Variants in GDF1 observed in about 807,000 individuals in gnomAD.
The protein encoded by GDF1 is growth differentiation factor 1.
Under a neutral mutation model 7.4 loss-of-function variants are expected in GDF1, and 8 were observed. That is an observed-to-expected ratio of 1.09 (90% CI 0.64 to 1.96). GDF1 has a LOEUF of 1.96. Ranked by LOEUF, GDF1 falls within the 30% of genes most tolerant of loss-of-function variation. GDF1 has a pLI of 0.00. For missense variants in GDF1, 574 were observed against 551.5 expected, an observed-to-expected ratio of 1.04 and a Z score of -0.41; for synonymous variants, 311 against 276.7, an observed-to-expected ratio of 1.12 and a Z score of -1.23.
intron 6 of GDF1, among the ~76,000 whole-genome samples, chr19:18,874,431 A>G (rs553071088): frequency 1.3e-5 from 2 of 152,308 alleles, no homozygotes; most frequent in African/African-American, 4.8e-5. Flanking sequence ...GGCCTCCCAA[A>G]GTGCTGGGAT....
Position 18,869,225 on chromosome 19 carries a change from T to C in GDF1, c.491A>G (p.Glu164Gly), listed in dbSNP as rs2055913733. The change falls in exon 8 of 8, where the codon GAG (glutamate) becomes GGG (glycine). Residue 164 changes from glutamate (E) to glycine (G), a missense_variant. Glu to Gly is a moderately conservative substitution (Grantham distance 98). Coordinates refer to ENST00000247005, the MANE Select transcript of GDF1 (RefSeq NM_001492.6). ...CTGGCCCGCTTGCGCCACGCTCAGC[T>C]CCCAGCCGCCCTCCGGGGCTGCCGC... Reference protein sequence around the residue: ...AAAAAPEGGWELSVAQAGQGA... With the variant: ...AAAAAPEGGWGLSVAQAGQGA... The C allele has an allele frequency of 2.2e-6, 3 of 1,376,548 alleles. No individual in the cohort carries two copies. Among genetic ancestry groups the C allele is most frequent in the Admixed American group, 3.6e-5 (1 of 27,536 alleles). The allele number at this position is 1,376,548 out of a possible 1,614,324, so 85.3% of individuals were successfully genotyped here. A position where few individuals can be genotyped will look rare whatever the true frequency, so the allele number is the denominator to read the frequency against.
intron 2 of GDF1, among the ~76,000 whole-genome samples, chr19:18,891,671 G>A (rs1438319395): frequency 6.6e-6 from 1 of 151,954 alleles, no homozygotes; most frequent in Admixed American, 6.6e-5. Flanking sequence ...TCCACCTACC[G>A]GGTTCAAGCA....
chr19:18,888,519 T>TAAAAA (rs781426705), intron 2 of GDF1, among the ~76,000 whole-genome samples: 7 of 59,050 alleles, frequency 1.2e-4, no homozygotes, highest in African/African-American at 4.5e-4. Context: ...CCCTGTCTCT[T>TAAAAA]AAAAAAAAAA....
chr19:18,891,483 G>C (rs1176560323), intron 2 of GDF1, among the ~76,000 whole-genome samples: 1 of 152,176 alleles, frequency 6.6e-6, no homozygotes, highest in Non-Finnish European at 1.5e-5. Flanking sequence ...AGGTCACACA[G>C]AGCGCGCTGC....
intron 1 of GDF1, 94 bp from the exon 2 acceptor site, chr19:18,893,669 G>A: frequency 7.6e-7 from 1 of 1,320,314 alleles, no homozygotes; most frequent in Non-Finnish European, 1.0e-6. Context: ...GACTCCCCAG[G>A]CCGGGCAGCA....
chr19:18,895,934 G>T lies in GDF1; in HGVS notation c.-1184C>A. ...AGGTGCGCGTGCTCAGCCAGGCCGC[G>T]ACGCGCCAGCCCCCAGCCGCAGTCC... is the stretch of plus-strand genomic sequence containing the variant. On this transcript the variant is annotated 5_prime_UTR_variant, in exon 1 of 8. Transcript: ENST00000247005. This position sits in a 1 kb window ranked among gnomAD's most constrained non-coding sequence, Gnocchi z 6.4. 8.3e-7 allele frequency: 1 copy of T among 1,197,964 alleles called. No individual in the cohort carries two copies. Among genetic ancestry groups the T allele is most frequent in the South Asian group, 2.5e-5 (1 of 40,136 alleles). 74.2% of individuals were successfully genotyped at this position (1,197,964 alleles called of 1,614,324 possible). A position where few individuals can be genotyped will look rare whatever the true frequency, so the allele number is the denominator to read the frequency against.
rs2056171735 is a variant in GDF1, at chr19:18,880,309, T to C, written c.-606A>G. On this transcript the variant is annotated 5_prime_UTR_variant, in exon 4 of 8. Coordinates refer to ENST00000247005, the MANE Select transcript of GDF1 (RefSeq NM_001492.6). ...CGAAGCTGAGGCAGCCCAAGTCTGC[T>C]GCCAAGGCATGCAGCCGATGGTAGG... The C allele has an allele frequency of 3.9e-6, 6 of 1,552,518 alleles. No individual in the cohort carries two copies. Among genetic ancestry groups the C allele is most frequent in the Non-Finnish European group, 5.2e-6 (6 of 1,148,150 alleles).
At position 18,878,688 on chromosome 19, in the gene GDF1, C is replaced by A. The variant is rs2056112506; in HGVS notation, c.-313+242G>T. On this transcript the variant is annotated intron_variant, in intron 6 of 7. Transcript: ENST00000247005. This position sits in a 1 kb window ranked among gnomAD's most constrained non-coding sequence, Gnocchi z 4.6. ...GCCCTCAGTGTCCCTACCGCTGAGA[C>A]CCTGCCTGTCGCCCTGCCTGCCCCT... 2 of 1,350,656 alleles carry A rather than the reference C, an allele frequency of 1.5e-6. No homozygotes were observed. Among genetic ancestry groups the A allele is most frequent in the Non-Finnish European group, 1.9e-6 (2 of 1,046,364 alleles). The allele number at this position is 1,350,656 out of a possible 1,614,324, so 83.7% of individuals were successfully genotyped here. A position where few individuals can be genotyped will look rare whatever the true frequency, so the allele number is the denominator to read the frequency against.
rs767303516 is a variant in GDF1 at position 18,868,882 on chromosome 19, C to T, written c.834G>A (p.Glu278=). The T allele has an allele frequency of 6.3e-6, 9 of 1,431,400 alleles. No homozygotes were observed. In the African/African-American group the frequency reaches 7.5e-5, roughly 12 times the overall value. The allele number at this position is 1,431,400 out of a possible 1,614,324, so 88.7% of individuals were successfully genotyped here. A position where few individuals can be genotyped will look rare whatever the true frequency, so the allele number is the denominator to read the frequency against. Residue 278 remains glutamate, a synonymous_variant, in exon 8 of 8, where the codon GAG becomes GAA. Coordinates refer to ENST00000247005, the MANE Select transcript of GDF1 (RefSeq NM_001492.6). ...RARRLYVSFR[E]VGWHRWVIAP... ...CGATGACCCAGCGGTGCCAGCCCAC[C>T]TCGCGGAAGCTCACGTACAGCCGCC...
intron 1 of GDF1, among the ~76,000 whole-genome samples, chr19:18,894,535 G>A (rs1458111656): frequency 3.3e-5 from 5 of 152,100 alleles, no homozygotes; most frequent in Admixed American, 6.5e-5. Context: ...CCGGGGCTCG[G>A]CCCTGGTAGT....
rs868136098 is a variant in GDF1 at position 18,896,036 on chromosome 19, G to A, written c.-1286C>T. 211 of 989,926 alleles carry A rather than the reference G, an allele frequency of 2.1e-4. No individual in the cohort carries two copies. In the African/African-American group the frequency reaches 3.0e-3, roughly 14 times the overall value. The allele number at this position is 989,926 out of a possible 1,614,324, so 61.3% of individuals were successfully genotyped here. A position where few individuals can be genotyped will look rare whatever the true frequency, so the allele number is the denominator to read the frequency against. ...TGCGCGTAGCTCGGCATGGGCTCGG[G>A]CCCCGTCGGCCCCGCCGCGGGCCCC... On this transcript the variant is annotated 5_prime_UTR_variant, in exon 1 of 8. Transcript: ENST00000247005. This position sits in a 1 kb window ranked among gnomAD's most constrained non-coding sequence, Gnocchi z 5.9.
chr19:18,868,950 C>A lies in GDF1; in HGVS notation c.766G>T (p.Glu256Ter), dbSNP rs978187037. Reference protein sequence around the residue: ...HPLARPRRDAEPVLGGGPGGA... With the variant: ...HPLARPRRDA ...CCGGGGCCGCCGCCCAACACGGGTT[C>A]GGCGTCGCGCCGCGGCCGGGCCAGG... Residue 256 changes from glutamate (E) to a stop codon, truncating the protein, a stop_gained, in exon 8 of 8, where the codon GAA becomes TAA. Transcript: ENST00000247005. LOFTEE classifies it low-confidence loss of function (END_TRUNC). 8.3e-7 allele frequency: 1 copy of A among 1,200,094 alleles called. No individual in the cohort carries two copies. The allele number at this position is 1,200,094 out of a possible 1,614,324, so 74.3% of individuals were successfully genotyped here.
chr19:18,884,709 CTTTTTTTTT>C (rs36074874), intron 2 of GDF1, among the ~76,000 whole-genome samples: 1 of 69,128 alleles, frequency 1.4e-5, no homozygotes, highest in African/African-American at 6.1e-5. Flanking sequence ...GCCCAGCCGT[CTTTTTTTTT>C]TTTTTTTTTT....
chr19:18,872,668 A>G lies in GDF1; in HGVS notation c.-312-2049T>C, dbSNP rs1413814999. 2.6e-5 allele frequency among the ~76,000 whole-genome samples: 3 copies of G among 113,586 alleles called. No homozygotes were observed. In the South Asian group the frequency reaches 9.8e-4, roughly 37 times the overall value. The allele number at this position is 113,586 out of a possible 152,430, so 74.5% of individuals were successfully genotyped here. On this transcript the variant is annotated intron_variant, in intron 6 of 7. Transcript: ENST00000247005. ...GTAGCTGGGATTACAGGCGCCTGCC[A>G]CCACGCCCAGATAATTTTTGTATTT... is the stretch of plus-strand genomic sequence containing the variant.
chr19:18,885,990 CT>C (rs1409694843), intron 2 of GDF1, among the ~76,000 whole-genome samples: 1 of 152,218 alleles, frequency 6.6e-6, no homozygotes, highest in Non-Finnish European at 1.5e-5. Context: ...TCCCCTCCTC[CT>C]GCCTCCTGGT....
In GDF1 at chr19:18,869,385, G is replaced by A. The variant is rs767483299; in HGVS notation, c.331C>T (p.Pro111Ser). ...GAGGCAGGCTCCGAGGCCCGGGTGG[G>A]CGCACCTGGGGAGGTAGGAACAGGA... is the stretch of plus-strand genomic sequence containing the variant. ...IVRHIPDRGA[P>S]TRASEPASAA... The change falls in exon 8 of 8, where the codon CCC becomes TCC. Residue 111 changes from proline (P) to serine (S), a missense_variant. Transcript: ENST00000247005. 2.1e-5 allele frequency: 32 copies of A among 1,528,612 alleles called. 2 individuals are homozygous for A. In the South Asian group the frequency reaches 3.8e-4, roughly 18 times the overall value. The allele number at this position is 1,528,612 out of a possible 1,614,324, so 94.7% of individuals were successfully genotyped here. A position where few individuals can be genotyped will look rare whatever the true frequency, so the allele number is the denominator to read the frequency against.
At chr19:18,879,853 T>C (rs945575786) in intron 4 of GDF1, among the ~76,000 whole-genome samples, 7 of 143,450 alleles carry the variant, frequency 4.9e-5, no homozygotes, top group African/African-American at 1.6e-4. Context: ...GCGCCTCCCT[T>C]TCTCTGCCAG....
chr19:18,872,514 A>T (rs2055990289), intron 6 of GDF1, among the ~76,000 whole-genome samples: 2 of 144,776 alleles, frequency 1.4e-5, no homozygotes, highest in South Asian at 4.4e-4. Context: ...TGCCCGGGGT[A>T]ATTTTTTTTT....
chr19:18,870,431 G>A lies in GDF1; in HGVS notation c.-124C>T. 1.0e-6 allele frequency: 1 copy of A among 1,001,462 alleles called. No individual in the cohort carries two copies. Among genetic ancestry groups the A allele is most frequent in the Non-Finnish European group, 1.5e-6 (1 of 673,592 alleles). 62.0% of individuals were successfully genotyped at this position (1,001,462 alleles called of 1,614,324 possible). A position where few individuals can be genotyped will look rare whatever the true frequency, so the allele number is the denominator to read the frequency against. ...CTGGGGGGCGTGGCCGGGAACTGGA[G>A]GCAGGATGAGGGGGCGGGGTCCCAG... On this transcript the variant is annotated 5_prime_UTR_variant, in exon 7 of 8. Transcript: ENST00000247005. This position sits in a 1 kb window ranked among gnomAD's most constrained non-coding sequence, Gnocchi z 5.1.
Sources: gnomAD v4.1 joint callset for allele counts (sites outside exome capture counted in the v4.1 genomes callset) on GRCh38, gnomAD v4.1.1 for gene constraint, Gnocchi (gnomAD v3.1) non-coding constraint, MANE v1.5 for transcripts, NCBI Gene and HGNC (gene_info 2026-07-23, HGNC 2026-07-21) for gene names.